ZFPM2: variants seen among roughly 807,000 people sequenced by gnomAD.
ZFPM2 encodes zinc finger protein ZFPM2.
Under a neutral mutation model 98.6 loss-of-function variants are expected in ZFPM2, and 20 were observed. That is an observed-to-expected ratio of 0.20 (90% CI 0.14 to 0.29). The LOEUF (loss-of-function observed/expected upper bound fraction) is 0.29. ZFPM2 is among the 10% of genes least tolerant of loss of function. The pLI is 1.00. For missense variants in ZFPM2, 1,310 were observed against 1,388.6 expected (o/e 0.94, Z 0.90); for synonymous variants, 518 against 502.7 (o/e 1.03, Z -0.41).
intron 5 of ZFPM2, among the ~76,000 whole-genome samples, chr8:105,715,536 C>T (rs1399835305): frequency 6.6e-6 from 1 of 151,660 alleles, no homozygotes; most frequent in Non-Finnish European, 1.5e-5. Flanking sequence ...TTATGTGCTA[C>T]ATATAATTTA....
chr8:105,472,196 T>A (rs1413049138), intron 3 of ZFPM2, among the ~76,000 whole-genome samples: 1 of 152,152 alleles, frequency 6.6e-6, no homozygotes, highest in Non-Finnish European at 1.5e-5. Flanking sequence ...AACTAATAAT[T>A]AGTACATAGT....
At chr8:105,617,961 A>G (rs1816455815) in intron 4 of ZFPM2, among the ~76,000 whole-genome samples, 1 of 152,156 alleles carries the variant, frequency 6.6e-6, no homozygotes, top group South Asian at 2.1e-4. Flanking sequence ...TTCCTACTTG[A>G]TGTCTGATAT....
intron 5 of ZFPM2, among the ~76,000 whole-genome samples, chr8:105,731,378 T>C (rs1264692208): frequency 6.6e-6 from 1 of 151,576 alleles, no homozygotes; most frequent in Non-Finnish European, 1.5e-5. Flanking sequence ...GTTAAAACTC[T>C]TGAAAATCAA....
chr8:105,576,490 C>T (rs572245320), intron 4 of ZFPM2, among the ~76,000 whole-genome samples: 2 of 152,240 alleles, frequency 1.3e-5, no homozygotes, highest in South Asian at 2.1e-4. Context: ...GGCAACTCCA[C>T]CTTCAGATTT....
At chr8:105,430,924 G>A (rs1442642716) in intron 2 of ZFPM2, among the ~76,000 whole-genome samples, 1 of 142,166 alleles carries the variant, frequency 7.0e-6, no homozygotes, top group African/African-American at 2.7e-5. Context: ...TTTTTTTCGA[G>A]ATGGAGTCTC....
At position 105,795,786 on chromosome 8, in the gene ZFPM2, G is replaced by A. The variant is rs117202382; in HGVS notation, c.740-2938G>A. ...CACTTCATATGACACAAAATCAGTC[G>A]TCTGGAGTCCCAAGATCTGTGTTCT... On this transcript the variant is annotated intron_variant, in intron 6 of 7. Transcript: ENST00000407775. 141 of 490,912 alleles carry A rather than the reference G, an allele frequency of 2.9e-4. 1 individual carries two copies. The highest frequency in any genetic ancestry group is 5.2e-4 in the Non-Finnish European group (127 of 244,444). 30.4% of individuals were successfully genotyped at this position (490,912 alleles called of 1,614,324 possible).
chr8:105,318,479 G>T lies in ZFPM2; in HGVS notation c.-463G>T, dbSNP rs1344652532. Among the ~76,000 whole-genome samples, 1 of 149,870 alleles carries T rather than the reference G, an allele frequency of 6.7e-6. No homozygotes were observed. Among genetic ancestry groups the T allele is most frequent in the East Asian group, 2.0e-4 (1 of 4,936 alleles). On this transcript the variant is annotated 5_prime_UTR_variant, in exon 1 of 8. Transcript: ENST00000407775. ...GGCCCGGAGCGGCGGCGGCGGCGCC[G>T]GAGTATCCGTCCCGCACGCCGGGGC...
chr8:105,711,741 A>G (rs116231657), intron 5 of ZFPM2, among the ~76,000 whole-genome samples: 2,846 of 152,026 alleles, frequency 0.019, 90 homozygotes, highest in African/African-American at 0.065. Context: ...TCCAATGAAA[A>G]TAGTACATAT....
At chr8:105,499,790 G>C (rs529135983) in intron 3 of ZFPM2, among the ~76,000 whole-genome samples, 2 of 152,232 alleles carry the variant, frequency 1.3e-5, no homozygotes, top group African/African-American at 4.8e-5. Flanking sequence ...GTTGTTAAGA[G>C]CAGAAAGGAG....
chr8:105,786,660 A>G (rs548809921), intron 5 of ZFPM2, among the ~76,000 whole-genome samples: 7 of 152,382 alleles, frequency 4.6e-5, no homozygotes, highest in South Asian at 4.1e-4. Flanking sequence ...TTAATGATGC[A>G]CACAAATGAT....
intron 5 of ZFPM2, among the ~76,000 whole-genome samples, chr8:105,753,076 G>A (rs7838094): frequency 0.16 from 24,302 of 152,030 alleles, 3,192 homozygotes; most frequent in African/African-American, 0.36. Flanking sequence ...AGAGGCCAGG[G>A]TCACCCAAAG....
chr8:105,495,271 A>T (rs1428211041), intron 3 of ZFPM2, among the ~76,000 whole-genome samples: 1 of 152,244 alleles, frequency 6.6e-6, no homozygotes, highest in African/African-American at 2.4e-5. Context: ...TGTCATCGAC[A>T]AAATGTATAG....
chr8:105,716,315 A>G (rs1811522234), intron 5 of ZFPM2, among the ~76,000 whole-genome samples: 1 of 151,522 alleles, frequency 6.6e-6, no homozygotes, highest in Non-Finnish European at 1.5e-5. Context: ...CAGAGCAAAT[A>G]TGATGAATAA....
At chr8:105,547,909 A>G (rs1385006886) in intron 3 of ZFPM2, among the ~76,000 whole-genome samples, 1 of 152,148 alleles carries the variant, frequency 6.6e-6, no homozygotes. Context: ...TTTAAATGTA[A>G]TAACTTTTTG....
chr8:105,335,316 A>G (rs1812307948), intron 1 of ZFPM2, among the ~76,000 whole-genome samples: 1 of 151,756 alleles, frequency 6.6e-6, no homozygotes, highest in South Asian at 2.1e-4. Flanking sequence ...AGTTTTATTT[A>G]ATTCATTCTC....
At chr8:105,488,639 C>T (rs1443422130) in intron 3 of ZFPM2, among the ~76,000 whole-genome samples, 3 of 152,068 alleles carry the variant, frequency 2.0e-5, no homozygotes, top group African/African-American at 7.2e-5. Context: ...TGGTGCGCGC[C>T]TGTAGTCCCA....
chr8:105,410,786 T>A (rs1254506521), intron 1 of ZFPM2, among the ~76,000 whole-genome samples: 1 of 151,896 alleles, frequency 6.6e-6, no homozygotes, highest in Non-Finnish European at 1.5e-5. Flanking sequence ...TTATGCCACA[T>A]AATATATATA....
chr8:105,519,816 T>C (rs77602628), intron 3 of ZFPM2, among the ~76,000 whole-genome samples: 1,957 of 152,172 alleles, frequency 0.013, 24 homozygotes, highest in Non-Finnish European at 0.023. Context: ...TTTTAATGTG[T>C]TCTCCAGAAT....
intron 5 of ZFPM2, among the ~76,000 whole-genome samples, chr8:105,666,676 CT>C (rs1252165472): frequency 1.3e-5 from 2 of 152,038 alleles, no homozygotes; most frequent in Non-Finnish European, 2.9e-5. Flanking sequence ...GGTTTTTTGC[CT>C]TTTCCATTGT....
Sources: gnomAD v4.1 joint callset for allele counts (sites outside exome capture counted in the v4.1 genomes callset) on GRCh38, gnomAD v4.1.1 for gene constraint, MANE v1.5 for transcripts, NCBI Gene and HGNC (gene_info 2026-07-23, HGNC 2026-07-21) for gene names.